The following LIN28B variants were observed in gnomAD, a reference collection of about 807,000 sequenced individuals.
The protein encoded by LIN28B is lin-28 RNA binding posttranscriptional regulator B.
In LIN28B, 5 loss-of-function variants were observed where a neutral mutation model predicts 21.9. The ratio of observed to expected loss-of-function variants is 0.23; its 90% confidence interval spans 0.12 to 0.48. LIN28B has a LOEUF of 0.48. Among genes scored for constraint, LIN28B ranks in the 20% least tolerant of loss-of-function variants. LIN28B has a pLI of 0.98. For missense variants in LIN28B, 245 were observed against 310.5 expected (o/e 0.79, Z 1.58); for synonymous variants, 109 against 111.3 (o/e 0.98, Z 0.13).
At chr6:104,974,758 AT>A (rs776867692) in intron 2 of LIN28B, among the ~76,000 whole-genome samples, 19 of 152,058 alleles carry the variant, frequency 1.2e-4, no homozygotes, top group Admixed American at 2.0e-4. Context: ...GATAAAAAAA[AT>A]AAATATTGCA....
At position 105,078,317 on chromosome 6, in the gene LIN28B, TTA is replaced by T. The variant is rs1772474724; in HGVS notation, c.384-95_384-94del. ...TTTAAGAAGGCACATTAAAATAAGCTTATCTCATTGGTAGTTTGTGTGTTTTC... is the reference window on the plus strand; with the variant it reads ...TTTAAGAAGGCACATTAAAATAAGCTTCTCATTGGTAGTTTGTGTGTTTTC... On this transcript the variant is annotated intron_variant, in intron 3 of 3. Transcript: ENST00000345080. The T allele has an allele frequency of 1.1e-5, 12 of 1,100,756 alleles. No individual in the cohort carries two copies. The East Asian group carries it at 2.9e-4, about 26-fold the overall frequency. The allele number at this position is 1,100,756 out of a possible 1,614,324, so 68.2% of individuals were successfully genotyped here. A position where few individuals can be genotyped will look rare whatever the true frequency, so the allele number is the denominator to read the frequency against.
In LIN28B at chr6:105,083,212, C is replaced by T. The variant is rs531784729; in HGVS notation, c.*4429C>T. On this transcript the variant is annotated 3_prime_UTR_variant, in exon 4 of 4. Coordinates refer to ENST00000345080, the MANE Select transcript of LIN28B (RefSeq NM_001004317.4). Reference sequence around the variant, plus strand: ...AGGGACTGAAGCACTGTTTGCCTTTCTGTACACTCTGGGTTTTATATTCTC... The same window carrying T: ...AGGGACTGAAGCACTGTTTGCCTTTTTGTACACTCTGGGTTTTATATTCTC... 170 of 152,634 alleles carry T rather than the reference C, an allele frequency of 1.1e-3. 2 individuals are homozygous for T. The highest frequency in any genetic ancestry group is 3.7e-3 in the African/African-American group (152 of 41,560). 9.5% of individuals were successfully genotyped at this position (152,634 alleles called of 1,614,324 possible). A position where few individuals can be genotyped will look rare whatever the true frequency, so the allele number is the denominator to read the frequency against.
At chr6:105,023,903 C>T (rs993376018) in intron 2 of LIN28B, among the ~76,000 whole-genome samples, 2 of 151,140 alleles carry the variant, frequency 1.3e-5, no homozygotes, top group Non-Finnish European at 2.9e-5. Flanking sequence ...TAATTGAGTT[C>T]ACTAGGAACT....
At chr6:105,056,328 A>G (rs1350314367) in intron 3 of LIN28B, among the ~76,000 whole-genome samples, 3 of 151,536 alleles carry the variant, frequency 2.0e-5, no homozygotes, top group Non-Finnish European at 4.4e-5. Context: ...TGTTTTCTCT[A>G]CAAGATGTTG....
At chr6:105,069,207 G>A (rs1772280460) in intron 3 of LIN28B, among the ~76,000 whole-genome samples, 1 of 152,164 alleles carries the variant, frequency 6.6e-6, no homozygotes, top group Non-Finnish European at 1.5e-5. Flanking sequence ...AACACAGTGA[G>A]ACCCTGTCTC....
chr6:105,016,194 T>G (rs904987867), intron 2 of LIN28B, among the ~76,000 whole-genome samples: 1 of 151,826 alleles, frequency 6.6e-6, no homozygotes, highest in African/African-American at 2.4e-5. Context: ...TGATTCATTG[T>G]GTCAGCTAAG....
At chr6:104,965,531 AT>A (rs1016477653) in intron 2 of LIN28B, among the ~76,000 whole-genome samples, 1 of 151,944 alleles carries the variant, frequency 6.6e-6, no homozygotes, top group African/African-American at 2.4e-5. Context: ...TAAAATTATT[AT>A]TTTTTTTGAG....
intron 3 of LIN28B, among the ~76,000 whole-genome samples, chr6:105,046,835 A>G (rs1771776679): frequency 2.0e-5 from 3 of 151,926 alleles, no homozygotes; most frequent in Admixed American, 6.6e-5. Flanking sequence ...GTGTCTGTTG[A>G]TCTCCTTCGC....
rs151295520 is a variant in LIN28B, at chr6:104,947,122, C to T, written c.19-3339C>T. On this transcript the variant is annotated intron_variant, in intron 2 of 5. Transcript: ENST00000635857. ...CATTTATCTGAGCTTAACAGCTTGG[C>T]AATTTTTATTTTTATTTTTTGAGAC... Among the ~76,000 whole-genome samples the T allele has an allele frequency of 7.8e-3, 1,187 of 152,018 alleles. 16 individuals carry two copies. The highest frequency in any genetic ancestry group is 0.027 in the African/African-American group (1,122 of 41,496).
intron 2 of LIN28B, among the ~76,000 whole-genome samples, chr6:105,018,477 A>C (rs1343962324): frequency 6.6e-6 from 1 of 152,068 alleles, no homozygotes; most frequent in Non-Finnish European, 1.5e-5. Context: ...TTCAATCTCC[A>C]TTAGAATCTC....
At chr6:105,030,706 C>T (rs1469155041) in intron 3 of LIN28B, among the ~76,000 whole-genome samples, 2 of 150,296 alleles carry the variant, frequency 1.3e-5, no homozygotes, top group South Asian at 2.1e-4. Flanking sequence ...AAGCAATTCT[C>T]CTGCCTCAGC....
chr6:104,957,019 G>T (rs1194623470), upstream of LIN28B: 7 of 1,335,734 alleles, frequency 5.2e-6, no homozygotes, highest in Non-Finnish European at 6.9e-6. Flanking sequence ...TTAAGGATAC[G>T]AGGTGAAATT....
At chr6:104,940,601 C>A (rs1331630896) in intron 2 of LIN28B, 1 of 150,828 alleles carries the variant, frequency 6.6e-6, no homozygotes, top group Non-Finnish European at 1.5e-5. Context: ...AATGACGCGG[C>A]CGGTAGCGGC....
At chr6:105,075,480 G>A (rs1429706921) in intron 3 of LIN28B, among the ~76,000 whole-genome samples, 1 of 152,148 alleles carries the variant, frequency 6.6e-6, no homozygotes, top group South Asian at 2.1e-4. Context: ...AAATAGAAGA[G>A]AATATAAATA....
chr6:105,025,859 A>G (rs1042349147), intron 2 of LIN28B, among the ~76,000 whole-genome samples: 1 of 151,992 alleles, frequency 6.6e-6, no homozygotes, highest in African/African-American at 2.4e-5. Context: ...ACATTAGAAC[A>G]TGTAGAACTA....
intron 3 of LIN28B, among the ~76,000 whole-genome samples, chr6:105,070,412 G>A (rs1420756112): frequency 6.6e-6 from 1 of 151,894 alleles, no homozygotes; most frequent in Non-Finnish European, 1.5e-5. Context: ...GTTCTTTCTT[G>A]TTATTTAAAA....
rs959764328 is a variant in LIN28B at position 105,079,473 on chromosome 6, G to A, written c.*690G>A. 1 of 152,504 alleles carries A rather than the reference G, an allele frequency of 6.6e-6. No homozygotes were observed. Among genetic ancestry groups the A allele is most frequent in the East Asian group, 1.9e-4 (1 of 5,184 alleles). 9.4% of individuals were successfully genotyped at this position (152,504 alleles called of 1,614,324 possible). ...CTGCCATAAGCTTTTTTGATTCTGG[G>A]ATAACATAACTCCAGAAAAGACAAT... On this transcript the variant is annotated 3_prime_UTR_variant, in exon 4 of 4. Transcript: ENST00000345080.
intron 2 of LIN28B, among the ~76,000 whole-genome samples, chr6:104,939,995 T>C (rs1160336246): frequency 6.6e-6 from 1 of 152,190 alleles, no homozygotes; most frequent in African/African-American, 2.4e-5. Context: ...TATGTGTATA[T>C]ATCACAGTAT....
intron 3 of LIN28B, among the ~76,000 whole-genome samples, chr6:105,037,951 G>T (rs1440326261): frequency 6.6e-6 from 1 of 151,902 alleles, no homozygotes; most frequent in East Asian, 1.9e-4. Context: ...AGTAAGATTG[G>T]ACCCCTACCT....
Sources: allele counts gnomAD v4.1 joint callset (sites outside exome capture counted in the v4.1 genomes callset), GRCh38; gene constraint gnomAD v4.1.1; transcripts MANE v1.5; gene names NCBI Gene and HGNC (gene_info 2026-07-23, HGNC 2026-07-21).